Variants in KYAT1 observed in about 807,000 individuals in gnomAD.
KYAT1 encodes the protein kynurenine--oxoglutarate transaminase 1.
In KYAT1, 47 loss-of-function variants were observed where a neutral mutation model predicts 52.4. The observed-to-expected ratio is 0.90, with a 90% confidence interval of 0.71 to 1.14. KYAT1 has a LOEUF of 1.14. Among genes scored for constraint, KYAT1 ranks in the 50% most tolerant of loss-of-function variants. The pLI is 0.00. For missense variants in KYAT1, 480 were observed against 557.9 expected, an observed-to-expected ratio of 0.86 and a Z score of 1.41; for synonymous variants, 212 against 209.6, an observed-to-expected ratio of 1.01 and a Z score of -0.10.
At chr9:128,841,463 G>A (rs1170291480) in intron 3 of KYAT1, among the ~76,000 whole-genome samples, 4 of 152,042 alleles carry the variant, frequency 2.6e-5, no homozygotes, top group Non-Finnish European at 4.4e-5. Flanking sequence ...GGAGGTTGCA[G>A]TGAGCCGAGA....
At chr9:128,844,036 C>G (rs887960837) in intron 2 of KYAT1, among the ~76,000 whole-genome samples, 2 of 152,138 alleles carry the variant, frequency 1.3e-5, no homozygotes, top group African/African-American at 4.8e-5. Flanking sequence ...TGCTCTTGAC[C>G]CTACTCTGGG....
chr9:128,846,396 C>T (rs946918098), intron 1 of KYAT1, among the ~76,000 whole-genome samples: 3 of 152,080 alleles, frequency 2.0e-5, no homozygotes, highest in African/African-American at 4.8e-5. Context: ...CACCACTGCA[C>T]TCCAGCCTGA....
At chr9:128,845,644 C>A in intron 1 of KYAT1, 1 of 534,548 alleles carries the variant, frequency 1.9e-6, no homozygotes. Context: ...CCTCCCCAAC[C>A]TGCAGGGGCT....
Position 128,845,377 on chromosome 9 carries a change from A to G in KYAT1, c.29T>C (p.Leu10Pro). The G allele has an allele frequency of 6.2e-7, 1 of 1,613,850 alleles. No individual in the cohort carries two copies. Among genetic ancestry groups the G allele is most frequent in the East Asian group, 2.2e-5 (1 of 44,854 alleles). The change falls in exon 2 of 13, where the codon CTA becomes CCA. Residue 10 changes from leucine to proline, a missense_variant. Physicochemically the swap from Leu to Pro is moderately conservative, Grantham distance 98. Transcript: ENST00000302586. ...CCAGGGGTTGTAGTCGATCCCGTCT[A>G]GCCTTCGGGCCTGCAGCTGTTTGGC... is the stretch of plus-strand genomic sequence containing the variant. MAKQLQARR[L>P]DGIDYNPWVE... is the part of the protein sequence containing the mutation.
At chr9:128,877,055 T>G (rs1838148763) in intron 1 of KYAT1, among the ~76,000 whole-genome samples, 1 of 152,014 alleles carries the variant, frequency 6.6e-6, no homozygotes. Context: ...CCCACCATCA[T>G]GCTCGGCTAA....
At chr9:128,834,043 A>T (rs1299488159) in intron 11 of KYAT1, among the ~76,000 whole-genome samples, 3 of 152,194 alleles carry the variant, frequency 2.0e-5, no homozygotes, top group African/African-American at 4.8e-5. Flanking sequence ...GGATCACCTG[A>T]GGTCAGGAGT....
Position 128,838,110 on chromosome 9 carries a change from A to G in KYAT1, c.379T>C (p.Cys127Arg). The G allele has an allele frequency of 1.2e-6, 2 of 1,614,164 alleles. No individual in the cohort carries two copies. The highest frequency in any genetic ancestry group is 1.1e-5 in the South Asian group (1 of 91,090). ...EVIIIEPFFD[C>R]YEPMTMMAGG... ...GCCATCATTGTCATGGGCTCGTAGC[A>G]GTCAAAAAAGGGTTCGATGATGATG... The change falls in exon 5 of 13, where the codon TGC becomes CGC. Residue 127 changes from cysteine to arginine, a missense_variant. Coordinates refer to ENST00000302586, the MANE Select transcript of KYAT1 (RefSeq NM_004059.5).
At chr9:128,841,328 C>T (rs1472923083) in intron 3 of KYAT1, among the ~76,000 whole-genome samples, 1 of 152,176 alleles carries the variant, frequency 6.6e-6, no homozygotes, top group East Asian at 1.9e-4. Flanking sequence ...CATGGTGAAA[C>T]CCCGTCTCTA....
intron 1 of KYAT1, among the ~76,000 whole-genome samples, chr9:128,877,901 G>T (rs931381335): frequency 6.6e-6 from 1 of 152,134 alleles, no homozygotes; most frequent in African/African-American, 2.4e-5. Context: ...ACAGAACTGG[G>T]GATACCATGC....
intron 1 of KYAT1, chr9:128,847,480 G>GA (rs1348025674): frequency 2.0e-6 from 3 of 1,535,906 alleles, no homozygotes; most frequent in Non-Finnish European, 2.6e-6. Flanking sequence ...TTCCTTCCCT[G>GA]AAGGGGCCCC....
At chr9:128,843,303 G>A (rs1322155964) in intron 2 of KYAT1, among the ~76,000 whole-genome samples, 1 of 152,176 alleles carries the variant, frequency 6.6e-6, no homozygotes, top group East Asian at 1.9e-4. Flanking sequence ...GATTAGGTCA[G>A]TCAGGCACAT....
At position 128,849,947 on chromosome 9, in the gene KYAT1, C is replaced by T. The variant is rs553006556; in HGVS notation, c.-6-4536G>A. Among the ~76,000 whole-genome samples, 16 of 136,504 alleles carry T rather than the reference C, an allele frequency of 1.2e-4. No homozygotes were observed. The South Asian group carries it at 1.6e-3, about 14-fold the overall frequency. 89.6% of individuals were successfully genotyped at this position (136,504 alleles called of 152,430 possible). On this transcript the variant is annotated intron_variant, in intron 1 of 12. Transcript: ENST00000302586. ...TTACCCAGGCTGGAGTGCAGTGGTG[C>T]CTTCTCAGCTCACTGCAGCCTCGAC...
intron 3 of KYAT1, among the ~76,000 whole-genome samples, chr9:128,839,515 C>A (rs1831746224): frequency 1.3e-5 from 2 of 152,268 alleles, no homozygotes; most frequent in Admixed American, 6.5e-5. Flanking sequence ...CCCAGCTCTA[C>A]TCGGGAGGCT....
intron 3 of KYAT1, among the ~76,000 whole-genome samples, chr9:128,841,390 C>G (rs1832131628): frequency 6.6e-6 from 1 of 152,130 alleles, no homozygotes; most frequent in Admixed American, 6.6e-5. Context: ...GTAATCCCAA[C>G]TACTCAAGAG....
chr9:128,871,525 A>G (rs904564376), intron 1 of KYAT1, among the ~76,000 whole-genome samples: 1 of 152,150 alleles, frequency 6.6e-6, no homozygotes, highest in Admixed American at 6.6e-5. Context: ...CCTGGGCAAC[A>G]TAACAAGACC....
intron 11 of KYAT1, among the ~76,000 whole-genome samples, chr9:128,834,831 C>CAAAAA (rs35785668): frequency 3.9e-5 from 1 of 25,862 alleles, no homozygotes; most frequent in African/African-American, 1.6e-4. Context: ...GACTCTGTCT[C>CAAAAA]AAAAAAAAAA....
rs1003621580 is a variant in KYAT1 at position 128,881,917 on chromosome 9, C to A, written c.-27G>T. 1 of 152,342 alleles carries A rather than the reference C, an allele frequency of 6.6e-6. No individual in the cohort carries two copies. The highest frequency in any genetic ancestry group is 1.5e-5 in the Non-Finnish European group (1 of 68,134). The allele number at this position is 152,342 out of a possible 1,614,324, so 9.4% of individuals were successfully genotyped here. A position where few individuals can be genotyped will look rare whatever the true frequency, so the allele number is the denominator to read the frequency against. ...CTCACCCTCACCTGGGCCGCTTCAC[C>A]CCTCGTTCCCAAGTACACCCCGTAG... On this transcript the variant is annotated 5_prime_UTR_variant, in exon 1 of 13. Transcript: ENST00000302586.
intron 1 of KYAT1, among the ~76,000 whole-genome samples, chr9:128,853,344 T>C (rs1319231807): frequency 1.3e-5 from 2 of 152,252 alleles, no homozygotes; most frequent in African/African-American, 4.8e-5. Context: ...GTTTACTGAT[T>C]GTTCCAGCAA....
chr9:128,870,003 C>T (rs1175510309), intron 1 of KYAT1, among the ~76,000 whole-genome samples: 1 of 152,124 alleles, frequency 6.6e-6, no homozygotes, highest in Non-Finnish European at 1.5e-5. Context: ...ATCCCCCCGC[C>T]TCAGCCTCCC....
Sources: allele counts gnomAD v4.1 joint callset (sites outside exome capture counted in the v4.1 genomes callset), GRCh38; gene constraint gnomAD v4.1.1; transcripts MANE v1.5; gene names NCBI Gene and HGNC (gene_info 2026-07-23, HGNC 2026-07-21).